Variants in CACNA1C observed in about 807,000 individuals in gnomAD.
CACNA1C encodes calcium voltage-gated channel subunit alpha1 C, also known as voltage-dependent L-type calcium channel subunit alpha-1C.
CACNA1C carries 30 observed loss-of-function variants against 229.0 expected under a neutral mutation model. The ratio of observed to expected loss-of-function variants is 0.13; its 90% CI spans 0.10 to 0.18. CACNA1C has a LOEUF of 0.18. Among genes scored for constraint, CACNA1C ranks in the 10% least tolerant of loss-of-function variants. The pLI, the probability that CACNA1C is intolerant of heterozygous loss-of-function variation, is 1.00. For synonymous variants in CACNA1C, 1,114 were observed against 1,132.5 expected (o/e 0.98, Z 0.33); for missense variants, 1,658 against 2,845.0 (o/e 0.58, Z 9.49).
At chr12:2,610,752 G>A in intron 28 of CACNA1C, 53 bp downstream of exon 28, 2 of 1,590,968 alleles carry the variant, frequency 1.3e-6, no homozygotes, top group Admixed American at 1.7e-5. Context: ...GTGTGCCATG[G>A]GGATGGAAAG....
At chr12:2,235,688 T>A (rs2067082319) in intron 3 of CACNA1C, among the ~76,000 whole-genome samples, 1 of 152,064 alleles carries the variant, frequency 6.6e-6, no homozygotes. Flanking sequence ...CCCTTGGGAA[T>A]CAGTTGCAAA....
intron 3 of CACNA1C, among the ~76,000 whole-genome samples, chr12:2,216,159 G>T (rs565085215): frequency 6.6e-6 from 1 of 152,290 alleles, no homozygotes; most frequent in South Asian, 2.1e-4. Flanking sequence ...GCGAGGGGAG[G>T]CCAGGGCTTA....
chr12:2,147,040 C>G (rs936479413), intron 3 of CACNA1C, among the ~76,000 whole-genome samples: 1 of 151,032 alleles, frequency 6.6e-6, no homozygotes, highest in Middle Eastern at 3.2e-3. Context: ...CAAAGCAAAT[C>G]AATGTCACTC....
chr12:1,974,796 CCAT>C (rs2154460183), intron 1 of CACNA1C, among the ~76,000 whole-genome samples: 1 of 152,264 alleles, frequency 6.6e-6, no homozygotes, highest in East Asian at 1.9e-4. Flanking sequence ...ACAACTATCA[CCAT>C]AAGTGAATCT....
Position 2,664,066 on chromosome 12 carries a change from A to G in CACNA1C, c.4233-759A>G, listed in dbSNP as rs74057320. On this transcript the variant is annotated intron_variant, in intron 34 of 46. Coordinates refer to ENST00000399655, the MANE Select transcript of CACNA1C (RefSeq NM_000719.7). The stretch of plus-strand genomic sequence containing the variant: ...GAGAATAGAGTATCTTAAGCACCCT[A>G]CAAACGAACAAGAAGACAACCTGAA... 4.8e-3 allele frequency among the ~76,000 whole-genome samples: 731 copies of G among 152,374 alleles called. 6 individuals are homozygous for G. Among genetic ancestry groups the G allele is most frequent in the African/African-American group, 0.016 (667 of 41,592 alleles).
At chr12:2,557,572 C>G (rs2045124214) in intron 11 of CACNA1C, among the ~76,000 whole-genome samples, 1 of 152,238 alleles carries the variant, frequency 6.6e-6, no homozygotes, top group African/African-American at 2.4e-5. Flanking sequence ...CTGCATGGAG[C>G]CAATCCTTCA....
chr12:2,173,624 G>T (rs750784592), intron 3 of CACNA1C, among the ~76,000 whole-genome samples: 2 of 151,984 alleles, frequency 1.3e-5, no homozygotes, highest in Non-Finnish European at 1.5e-5. Context: ...TCTTCTGCTG[G>T]GAGCGGGACT....
intron 3 of CACNA1C, among the ~76,000 whole-genome samples, chr12:2,229,653 C>A (rs920152173): frequency 6.6e-6 from 1 of 152,096 alleles, no homozygotes. Context: ...GCAGGGGATG[C>A]CTGAGCACCA....
intron 1 of CACNA1C, chr12:1,993,407 A>T (rs1333733135): frequency 6.2e-7 from 1 of 1,606,422 alleles, no homozygotes; most frequent in Admixed American, 1.7e-5. Flanking sequence ...AATCACAAGG[A>T]GTCAGGGGGA....
chr12:2,084,492 C>T (rs1011053818), intron 1 of CACNA1C, among the ~76,000 whole-genome samples: 1 of 152,136 alleles, frequency 6.6e-6, no homozygotes, highest in Non-Finnish European at 1.5e-5. Flanking sequence ...GCATATTTTC[C>T]AGACTTCTTG....
intron 1 of CACNA1C, among the ~76,000 whole-genome samples, chr12:2,074,080 C>A (rs1461605680): frequency 6.6e-6 from 1 of 151,922 alleles, no homozygotes; most frequent in African/African-American, 2.4e-5. Flanking sequence ...TTTTATACAG[C>A]AAGTTGATTC....
chr12:2,586,826 C>G (rs2062655628), intron 18 of CACNA1C, among the ~76,000 whole-genome samples: 1 of 152,212 alleles, frequency 6.6e-6, no homozygotes, highest in African/African-American at 2.4e-5. Context: ...CTCCCCTCCT[C>G]CTGCAAGGGA....
Position 2,115,526 on chromosome 12 carries a change from A to G in CACNA1C, c.352A>G (p.Ile118Val). The G allele has an allele frequency of 1.2e-6, 2 of 1,613,424 alleles. No individual in the cohort carries two copies. The highest frequency in any genetic ancestry group is 1.7e-6 in the Non-Finnish European group (2 of 1,179,872). ...GAAGAACCCCATCCGGAGGGCCTGC[A>G]TCAGCATTGTCGAATGGAAATATCC... is the stretch of plus-strand genomic sequence containing the variant. ...TLKNPIRRAC[I>V]SIVEWKPFEI... Residue 118 changes from isoleucine (I) to valine (V), a missense_variant, in exon 2 of 47, where the codon ATC becomes GTC. Ile to Val is a conservative substitution (Grantham distance 29). This residue lies in a region of CACNA1C where 89 missense variants were observed against 177.8 expected (regional missense o/e 0.50). Coordinates refer to ENST00000399655, the MANE Select transcript of CACNA1C (RefSeq NM_000719.7).
Position 2,053,491 on chromosome 12 carries a change from G to C in CACNA1C, c.-72G>C, listed in dbSNP as rs2052939016. The C allele has an allele frequency of 6.5e-7, 1 of 1,536,368 alleles. No homozygotes were observed. The highest frequency in any genetic ancestry group is 1.4e-5 in the African/African-American group (1 of 72,598). On this transcript the variant is annotated 5_prime_UTR_variant, in exon 1 of 47. Coordinates refer to ENST00000399655, the MANE Select transcript of CACNA1C (RefSeq NM_000719.7). This position sits in a 1 kb window ranked among gnomAD's most constrained non-coding sequence, Gnocchi z 5.8. Reference sequence around the variant, plus strand: ...CGGCCTCGGAGGAGGGATTAATCCAGACCCGCCGGGGGGTGTTTTCACATT... The same window carrying C: ...CGGCCTCGGAGGAGGGATTAATCCACACCCGCCGGGGGGTGTTTTCACATT...
chr12:2,239,582 G>A (rs2068966174), intron 3 of CACNA1C, among the ~76,000 whole-genome samples: 1 of 152,094 alleles, frequency 6.6e-6, no homozygotes, highest in African/African-American at 2.4e-5. Flanking sequence ...CCGACAGTCT[G>A]TTCTAGCTCC....
intron 38 of CACNA1C, 58 bp from the exon 39 acceptor site, chr12:2,674,483 G>A (rs1292828915): frequency 6.5e-7 from 1 of 1,529,832 alleles, no homozygotes; most frequent in African/African-American, 1.4e-5. Flanking sequence ...ACCTTACGCA[G>A]AGGGACCCAG....
chr12:2,600,739 G>C (rs1328837332), intron 21 of CACNA1C, among the ~76,000 whole-genome samples: 1 of 152,196 alleles, frequency 6.6e-6, no homozygotes, highest in Non-Finnish European at 1.5e-5. Context: ...CTTTTTAAAA[G>C]TTTCCAAAGG....
chr12:2,455,317 A>G (rs1006831850), intron 4 of CACNA1C, among the ~76,000 whole-genome samples: 5 of 151,946 alleles, frequency 3.3e-5, no homozygotes, highest in African/African-American at 9.7e-5. Flanking sequence ...AGCACTTGAA[A>G]TGTGGCTAAT....
At chr12:2,359,923 G>A (rs4765925) in intron 3 of CACNA1C, among the ~76,000 whole-genome samples, 5,215 of 152,152 alleles carry the variant, frequency 0.034, 204 homozygotes, top group African/African-American at 0.087. Context: ...CCACCAAGCA[G>A]TCTTCCCAGA....
Sources: allele counts gnomAD v4.1 joint callset (sites outside exome capture counted in the v4.1 genomes callset), GRCh38; gene constraint gnomAD v4.1.1; regional missense constraint gnomAD v4.1.1; non-coding constraint Gnocchi (gnomAD v3.1); transcripts MANE v1.5; gene names NCBI Gene and HGNC (gene_info 2026-07-23, HGNC 2026-07-21).